The following CHST11 variants were observed in gnomAD, a reference collection of about 807,000 sequenced individuals.
CHST11 encodes the protein C4S-1.
Under a neutral mutation model 30.4 loss-of-function variants are expected in CHST11, and 9 were observed. That is an observed-to-expected ratio of 0.30 (90% confidence interval 0.18 to 0.52). The LOEUF is 0.52. Among genes scored for constraint, CHST11 ranks in the 20% least tolerant of loss-of-function variants. CHST11 has a pLI of 0.97. For synonymous variants in CHST11, 152 were observed against 187.8 expected, an observed-to-expected ratio of 0.81 and a Z score of 1.56; for missense variants, 348 against 460.6, an observed-to-expected ratio of 0.76 and a Z score of 2.24.
chr12:104,656,720 C>A (rs1428942861), intron 2 of CHST11, among the ~76,000 whole-genome samples: 1 of 152,208 alleles, frequency 6.6e-6, no homozygotes. Context: ...CAGATACACA[C>A]TCACAAACCA....
At chr12:104,501,635 T>A (rs1431639289) in intron 1 of CHST11, among the ~76,000 whole-genome samples, 1 of 152,212 alleles carries the variant, frequency 6.6e-6, no homozygotes, top group Admixed American at 6.5e-5. Context: ...TTAAATTCCA[T>A]AATGCAGGTA....
intron 2 of CHST11, among the ~76,000 whole-genome samples, chr12:104,711,531 A>G (rs1428201303): frequency 1.3e-5 from 2 of 152,098 alleles, no homozygotes; most frequent in African/African-American, 2.4e-5. Flanking sequence ...CCCAAGGACA[A>G]TGTCAGCCAA....
At chr12:104,541,223 T>C (rs915767197) in intron 1 of CHST11, among the ~76,000 whole-genome samples, 1 of 152,206 alleles carries the variant, frequency 6.6e-6, no homozygotes, top group Admixed American at 6.5e-5. Context: ...TGAGAGTCTT[T>C]GGCTTTGCTC....
At chr12:104,607,745 C>T (rs1385225149) in intron 2 of CHST11, among the ~76,000 whole-genome samples, 1 of 152,088 alleles carries the variant, frequency 6.6e-6, no homozygotes, top group East Asian at 1.9e-4. Context: ...GCAGGAGTGG[C>T]AGGTTGGTAG....
intron 2 of CHST11, among the ~76,000 whole-genome samples, chr12:104,640,068 C>T (rs1252420313): frequency 6.6e-6 from 1 of 152,180 alleles, no homozygotes; most frequent in Non-Finnish European, 1.5e-5. Context: ...ATCCAAAACA[C>T]CAGCAACACC....
At chr12:104,736,091 C>T (rs868365045) in intron 2 of CHST11, among the ~76,000 whole-genome samples, 3 of 152,240 alleles carry the variant, frequency 2.0e-5, no homozygotes, top group Middle Eastern at 3.4e-3. Flanking sequence ...TGACCACTCT[C>T]AGACATTCCA....
intron 2 of CHST11, among the ~76,000 whole-genome samples, chr12:104,736,474 TG>T (rs1447834106): frequency 6.6e-6 from 1 of 152,174 alleles, no homozygotes; most frequent in Non-Finnish European, 1.5e-5. Flanking sequence ...CAGAGTCCCA[TG>T]TATTTCCAGA....
intron 2 of CHST11, among the ~76,000 whole-genome samples, chr12:104,702,975 G>T (rs2040002103): frequency 6.6e-6 from 1 of 152,174 alleles, no homozygotes; most frequent in African/African-American, 2.4e-5. Flanking sequence ...CAGGCGTGTG[G>T]TCACCACTGA....
chr12:104,598,102 A>G (rs746034), intron 1 of CHST11, among the ~76,000 whole-genome samples: 59,015 of 152,168 alleles, frequency 0.39, 11,725 homozygotes, highest in East Asian at 0.62. Flanking sequence ...AGCTGCCACC[A>G]TCTGGGCCTT....
intron 2 of CHST11, among the ~76,000 whole-genome samples, chr12:104,751,909 A>G (rs1485435988): frequency 6.6e-6 from 1 of 152,224 alleles, no homozygotes; most frequent in Non-Finnish European, 1.5e-5. Flanking sequence ...TTATTCTTCT[A>G]TATAAAATAG....
chr12:104,725,918 G>C (rs994910892), intron 2 of CHST11, among the ~76,000 whole-genome samples: 2 of 152,110 alleles, frequency 1.3e-5, no homozygotes, highest in South Asian at 2.1e-4. Flanking sequence ...GTGTATGGAT[G>C]ATCTTTTCAG....
chr12:104,633,293 T>C (rs978395868), intron 2 of CHST11, among the ~76,000 whole-genome samples: 11 of 152,156 alleles, frequency 7.2e-5, no homozygotes, highest in Non-Finnish European at 1.5e-4. Flanking sequence ...ATTAAGCAAT[T>C]AAAAGAAGGC....
intron 1 of CHST11, among the ~76,000 whole-genome samples, chr12:104,506,160 G>C (rs2037902504): frequency 6.6e-6 from 1 of 152,204 alleles, no homozygotes; most frequent in Non-Finnish European, 1.5e-5. Context: ...CATTCACCAT[G>C]GTTTTAGGGA....
At chr12:104,545,286 G>A (rs75011985) in intron 1 of CHST11, among the ~76,000 whole-genome samples, 2,214 of 152,346 alleles carry the variant, frequency 0.015, 64 homozygotes, top group African/African-American at 0.051. Flanking sequence ...CCAGCCCCAT[G>A]AGCTGCCTCA....
intron 2 of CHST11, among the ~76,000 whole-genome samples, chr12:104,659,981 C>T (rs1287228838): frequency 6.6e-6 from 1 of 152,114 alleles, no homozygotes; most frequent in Non-Finnish European, 1.5e-5. Flanking sequence ...GACCCTGTCT[C>T]TAAAAGAAAA....
At chr12:104,724,243 G>C (rs972523837) in intron 2 of CHST11, among the ~76,000 whole-genome samples, 17 of 152,150 alleles carry the variant, frequency 1.1e-4, no homozygotes, top group African/African-American at 4.1e-4. Context: ...ACTTTACCAT[G>C]TATCTGACGG....
intron 2 of CHST11, among the ~76,000 whole-genome samples, chr12:104,709,028 C>T (rs2040061500): frequency 6.6e-6 from 1 of 152,202 alleles, no homozygotes. Context: ...AGAGCATGTT[C>T]ACATAGGGCA....
Position 104,541,388 on chromosome 12 carries a change from A to G in CHST11, c.119-60518A>G, listed in dbSNP as rs138863873. ...TCTCAGAGCCTGCAAGACCCTTTTC[A>G]TGAAACGTGGTCTGTGTTCGGTTTG... is the stretch of plus-strand genomic sequence containing the variant. On this transcript the variant is annotated intron_variant, in intron 1 of 2. Transcript: ENST00000303694. Among the ~76,000 whole-genome samples the G allele has an allele frequency of 5.9e-3, 894 of 151,690 alleles. 5 individuals are homozygous for G. The highest frequency in any genetic ancestry group is 0.017 in the Middle Eastern group (5 of 294).
chr12:104,637,389 T>C (rs925028398), intron 2 of CHST11, among the ~76,000 whole-genome samples: 2 of 138,030 alleles, frequency 1.4e-5, no homozygotes, highest in Non-Finnish European at 3.1e-5. Context: ...TAATGCTAAA[T>C]GATGAGTTAA....
Sources: allele counts gnomAD v4.1 joint callset (sites outside exome capture counted in the v4.1 genomes callset), GRCh38; gene constraint gnomAD v4.1.1; transcripts MANE v1.5; gene names NCBI Gene and HGNC (gene_info 2026-07-23, HGNC 2026-07-21).